GRAP2: variants seen among roughly 807,000 people sequenced by gnomAD.
GRAP2 encodes GRB2-related adapter protein 2.
A neutral mutation model predicts 43.5 loss-of-function variants in GRAP2; 31 were observed. That is an observed-to-expected ratio of 0.71 (90% confidence interval 0.54 to 0.96). GRAP2 has a LOEUF of 0.96. Among genes scored for constraint, GRAP2 ranks in the 40% least tolerant of loss-of-function variants. The probability of loss-of-function intolerance (pLI) is 0.00; values close to 1 mark genes in which losing one functional copy is unlikely to be tolerated. For synonymous variants in GRAP2, 156 were observed against 164.8 expected (o/e 0.95, Z 0.41); for missense variants, 371 against 424.4 (o/e 0.87, Z 1.11).
upstream of GRAP2, among the ~76,000 whole-genome samples, chr22:39,896,439 G>T (rs1878471833): frequency 6.6e-6 from 1 of 152,180 alleles, no homozygotes; most frequent in South Asian, 2.1e-4. Flanking sequence ...TCACCAAGAT[G>T]AACATGATCC....
intron 3 of GRAP2, among the ~76,000 whole-genome samples, chr22:39,958,434 C>T (rs111503401): frequency 4.6e-4 from 70 of 152,256 alleles, no homozygotes; most frequent in African/African-American, 1.7e-3. Context: ...GTGTCCCCCT[C>T]GACTAGAATG....
chr22:39,930,808 G>A lies in GRAP2; in HGVS notation c.-14-16285G>A, dbSNP rs182391128. Among the ~76,000 whole-genome samples, 7 of 152,060 alleles carry A rather than the reference G, an allele frequency of 4.6e-5. No homozygotes were observed. The East Asian group carries it at 1.4e-3, about 29-fold the overall frequency. ...TGCCAGTCCATGATTGAACCAGTTG[G>A]GTCCCCAACTCCTATTTGCACACAC... On this transcript the variant is annotated intron_variant, in intron 1 of 7. Transcript: ENST00000344138.
At chr22:39,958,258 C>G (rs562599012) in intron 3 of GRAP2, among the ~76,000 whole-genome samples, 1 of 152,160 alleles carries the variant, frequency 6.6e-6, no homozygotes. Flanking sequence ...CCCCAGTCCC[C>G]TATAGGTTTA....
In GRAP2 at chr22:39,944,630, G is replaced by T. The variant is rs574130793; in HGVS notation, c.-14-2463G>T. Among the ~76,000 whole-genome samples the T allele has an allele frequency of 3.3e-5, 5 of 152,240 alleles. No individual in the cohort carries two copies. The East Asian group carries it at 9.6e-4, about 29-fold the overall frequency. On this transcript the variant is annotated intron_variant, in intron 1 of 7. Transcript: ENST00000344138. ...CTTTGCCATACCGCCTACCTCCTGG[G>T]GGAAGGCAGAGGAAAGTGCTGCTAT...
In GRAP2 at chr22:39,954,872, A is replaced by G. The variant is rs977727063; in HGVS notation, c.79-947A>G. Among the ~76,000 whole-genome samples, 25 of 152,364 alleles carry G rather than the reference A, an allele frequency of 1.6e-4. 1 individual carries two copies. The highest frequency in any genetic ancestry group is 1.5e-3 in the Admixed American group (23 of 15,308). ...AAGTCAGGCCACAGAGTAACAAGAC[A>G]GAACTTTTGGTTTTGTTTGGGATCT... On this transcript the variant is annotated intron_variant, in intron 2 of 7. Coordinates refer to ENST00000344138, the MANE Select transcript of GRAP2 (RefSeq NM_004810.4).
chr22:39,956,121 C>T (rs2067047265), intron 3 of GRAP2, among the ~76,000 whole-genome samples: 1 of 151,904 alleles, frequency 6.6e-6, no homozygotes, highest in Admixed American at 6.6e-5. Context: ...ATGTTTACAC[C>T]ATGTGCATGT....
At position 39,903,475 on chromosome 22, in the gene GRAP2, C is replaced by CTTT. The variant is rs773691306; in HGVS notation, c.-15+2163_-15+2165dup. 2.0e-3 allele frequency among the ~76,000 whole-genome samples: 229 copies of CTTT among 112,030 alleles called. 2 individuals carry two copies. Among genetic ancestry groups the CTTT allele is most frequent in the African/African-American group, 5.7e-3 (168 of 29,694 alleles). The allele number at this position is 112,030 out of a possible 152,430, so 73.5% of individuals were successfully genotyped here. A position where few individuals can be genotyped will look rare whatever the true frequency, so the allele number is the denominator to read the frequency against. ...ATGATAATAACACAGCCTCATGAGT[C>CTTT]TTTTTTTTTTTTTTTTTTTTGAGAC... On this transcript the variant is annotated intron_variant, in intron 1 of 7. Transcript: ENST00000344138.
intron 1 of GRAP2, among the ~76,000 whole-genome samples, chr22:39,910,940 T>C (rs1242537035): frequency 6.6e-6 from 1 of 152,174 alleles, no homozygotes; most frequent in Non-Finnish European, 1.5e-5. Flanking sequence ...AGAACTTCAT[T>C]GTCTCTTTCC....
At chr22:39,941,845 A>G (rs1354374621) in intron 1 of GRAP2, among the ~76,000 whole-genome samples, 1 of 151,920 alleles carries the variant, frequency 6.6e-6, no homozygotes, top group African/African-American at 2.4e-5. Context: ...GAAATGTTCT[A>G]TATCAACAGG....
At chr22:39,917,791 A>AG (rs1333087292) in intron 1 of GRAP2, among the ~76,000 whole-genome samples, 1 of 152,180 alleles carries the variant, frequency 6.6e-6, no homozygotes, top group Non-Finnish European at 1.5e-5. Flanking sequence ...TAATGGCATT[A>AG]GGGGGAAAGT....
At chr22:39,931,653 C>T (rs575817753) in intron 1 of GRAP2, among the ~76,000 whole-genome samples, 13 of 152,126 alleles carry the variant, frequency 8.5e-5, no homozygotes, top group African/African-American at 2.2e-4. Flanking sequence ...AAAAATTTGA[C>T]GAGTTATAGG....
Position 39,970,895 on chromosome 22 carries a change from C to G in GRAP2, c.814-10C>G. 6.3e-7 allele frequency: 1 copy of G among 1,587,116 alleles called. No homozygotes were observed. Among genetic ancestry groups the G allele is most frequent in the Non-Finnish European group, 8.6e-7 (1 of 1,166,918 alleles). The stretch of plus-strand genomic sequence containing the variant: ...GCTCAGCAGAGCCTCTTCTGTGCTT[C>G]CCCCAACAGCGAGTGCGGTGGGCCC... On this transcript the variant is annotated splice_polypyrimidine_tract_variant and intron_variant, in intron 7 of 7. Coordinates refer to ENST00000344138, the MANE Select transcript of GRAP2 (RefSeq NM_004810.4).
intron 1 of GRAP2, 54 bp downstream of exon 1, chr22:39,901,384 A>G (rs1023866005): frequency 9.8e-6 from 6 of 609,538 alleles, no homozygotes; most frequent in Non-Finnish European, 1.6e-5. Flanking sequence ...GAACAGTTTT[A>G]TAATTTGCAG....
Position 39,969,466 on chromosome 22 carries a change from G to A in GRAP2, c.746G>A (p.Gly249Asp). ...GATGGGCATTGTGGCACCGGCTTGGGCAGTGAAATGAATGCGGCCCTCATG... is the reference window on the plus strand; with the variant it reads ...GATGGGCATTGTGGCACCGGCTTGGACAGTGAAATGAATGCGGCCCTCATG... ...INDGHCGTGL[G>D]SEMNAALMHR... is the part of the protein sequence containing the mutation. The change falls in exon 7 of 8, where the codon GGC (glycine) becomes GAC (aspartate). Residue 249 changes from glycine (G) to aspartate (D), a missense_variant. Physicochemically the swap from Gly to Asp is moderately conservative, Grantham distance 94 (BLOSUM62 -1). Coordinates refer to ENST00000344138, the MANE Select transcript of GRAP2 (RefSeq NM_004810.4). 6.2e-7 allele frequency: 1 copy of A among 1,614,066 alleles called. No homozygotes were observed. The highest frequency in any genetic ancestry group is 8.5e-7 in the Non-Finnish European group (1 of 1,179,952).
chr22:39,950,844 A>G (rs975162810), intron 2 of GRAP2, among the ~76,000 whole-genome samples: 5 of 152,200 alleles, frequency 3.3e-5, no homozygotes, highest in Admixed American at 1.3e-4. Flanking sequence ...TGTGATTGCA[A>G]TGTCTGCCCC....
intron 1 of GRAP2, among the ~76,000 whole-genome samples, chr22:39,941,230 G>A (rs1231608898): frequency 6.6e-6 from 1 of 152,148 alleles, no homozygotes; most frequent in East Asian, 1.9e-4. Flanking sequence ...GAGAATCTAA[G>A]AAAAAATAAC....
At chr22:39,968,458 A>AACACAC (rs138010) in intron 6 of GRAP2, 186 bp downstream of exon 6, 11 of 523,324 alleles carry the variant, frequency 2.1e-5, no homozygotes, top group African/African-American at 1.6e-4. Flanking sequence ...CTCCCACCTG[A>AACACAC]ACACACACAC....
At chr22:39,900,817 A>G (rs1443734690), upstream of GRAP2, among the ~76,000 whole-genome samples, 1 of 152,342 alleles carries the variant, frequency 6.6e-6, no homozygotes, top group East Asian at 1.9e-4. Context: ...CTCTGGATGC[A>G]TGATTATACT....
intron 4 of GRAP2, among the ~76,000 whole-genome samples, chr22:39,963,206 C>T (rs1395700326): frequency 6.6e-6 from 1 of 152,182 alleles, no homozygotes; most frequent in Non-Finnish European, 1.5e-5. Flanking sequence ...AATTGTAGTT[C>T]TATCACTCAG....
Sources: allele counts gnomAD v4.1 joint callset (sites outside exome capture counted in the v4.1 genomes callset), GRCh38; gene constraint gnomAD v4.1.1; transcripts MANE v1.5; gene names NCBI Gene and HGNC (gene_info 2026-07-23, HGNC 2026-07-21).